The following AMOTL1 variants were observed in gnomAD, a reference collection of about 807,000 sequenced individuals.
The protein encoded by AMOTL1 is angiomotin-like protein 1.
AMOTL1 carries 45 observed loss-of-function variants against 102.9 expected under a neutral mutation model. The ratio of observed to expected loss-of-function variants is 0.44; its 90% CI spans 0.34 to 0.56. AMOTL1 has a LOEUF of 0.56. AMOTL1 is among the 20% of genes least tolerant of loss of function. The pLI, the probability that AMOTL1 is intolerant of heterozygous loss-of-function variation, is 0.01. For missense variants in AMOTL1, 1,114 were observed against 1,225.6 expected, an observed-to-expected ratio of 0.91 and a Z score of 1.36; for synonymous variants, 481 against 484.7, an observed-to-expected ratio of 0.99 and a Z score of 0.10.
Position 94,789,379 on chromosome 11 carries a change from G to A in AMOTL1, c.50-5632G>A, listed in dbSNP as rs1216210984. 2.0e-5 allele frequency among the ~76,000 whole-genome samples: 3 copies of A among 152,262 alleles called. No individual in the cohort carries two copies. In the East Asian group the frequency reaches 5.8e-4, roughly 29 times the overall value. On this transcript the variant is annotated intron_variant, in intron 1 of 12. Transcript: ENST00000433060. The stretch of plus-strand genomic sequence containing the variant: ...TCACCATGTTGGCCAGGCTGGTCTC[G>A]AACTCCTGACCTCAAGTAATCCACC...
At chr11:94,818,291 TGCAGTAA>T (rs1167543576) in intron 3 of AMOTL1, among the ~76,000 whole-genome samples, 1 of 152,210 alleles carries the variant, frequency 6.6e-6, no homozygotes, top group Non-Finnish European at 1.5e-5. Context: ...GTTCCTGACC[TGCAGTAA>T]GTAAAGAATG....
At chr11:94,769,599 T>G (rs1950915496) in intron 1 of AMOTL1, among the ~76,000 whole-genome samples, 1 of 152,212 alleles carries the variant, frequency 6.6e-6, no homozygotes, top group South Asian at 2.1e-4. Context: ...GTTCGAAGAT[T>G]TTTGCCTTTT....
chr11:94,814,531 A>G (rs564514255), intron 3 of AMOTL1, among the ~76,000 whole-genome samples: 34 of 152,356 alleles, frequency 2.2e-4, no homozygotes, highest in African/African-American at 7.7e-4. Context: ...AAGGAGTGTC[A>G]GAAGGGAACA....
In AMOTL1 at chr11:94,783,263, TTGAG is replaced by T. The variant is rs572937061; in HGVS notation, c.50-11742_50-11739del. ...AATCATCATATAGTTCTCATGGGGA[TTGAG>T]TGAGTTAATACAAATTGTTCAGAAC... On this transcript the variant is annotated intron_variant, in intron 1 of 12. Coordinates refer to ENST00000433060, the MANE Select transcript of AMOTL1 (RefSeq NM_130847.3). 2.4e-3 allele frequency among the ~76,000 whole-genome samples: 362 copies of T among 152,340 alleles called. 3 individuals carry two copies. The highest frequency in any genetic ancestry group is 8.4e-3 in the African/African-American group (350 of 41,576).
chr11:94,717,163 T>C (rs1393563215), intron 1 of AMOTL1, among the ~76,000 whole-genome samples: 1 of 151,834 alleles, frequency 6.6e-6, no homozygotes, highest in African/African-American at 2.4e-5. Flanking sequence ...TCAACTTTTC[T>C]TTTTTCCATA....
rs139205173 is a variant in AMOTL1 at position 94,837,846 on chromosome 11, T to C, written c.1648+6305T>C. On this transcript the variant is annotated intron_variant, in intron 6 of 12. Transcript: ENST00000433060. ...TTGGCTTTCCTGTTATATATAAGGCTGAAAAATCAAGCATCTTAAACTTTT... is the reference window on the plus strand; with the variant it reads ...TTGGCTTTCCTGTTATATATAAGGCCGAAAAATCAAGCATCTTAAACTTTT... Among the ~76,000 whole-genome samples, 18 of 152,348 alleles carry C rather than the reference T, an allele frequency of 1.2e-4. No homozygotes were observed. The East Asian group carries it at 3.1e-3, about 26-fold the overall frequency.
intron 2 of AMOTL1, among the ~76,000 whole-genome samples, chr11:94,737,115 G>T (rs1950449286): frequency 6.6e-6 from 1 of 152,188 alleles, no homozygotes; most frequent in Non-Finnish European, 1.5e-5. Context: ...ATAGTTCCTA[G>T]TTTACAAGTC....
At position 94,876,246 on chromosome 11, in the gene AMOTL1, T is replaced by G. The variant is rs1275496029; in HGVS notation, c.*5451T>G. On this transcript the variant is annotated 3_prime_UTR_variant, in exon 13 of 13. Transcript: ENST00000433060. ...TTTTTTTGTTTTTTGTTTTTTTTCC[T>G]TTTGAGGAGGAACAGGGAGCCTCCT... The G allele has an allele frequency of 1.3e-5, 2 of 152,628 alleles. No individual in the cohort carries two copies. The highest frequency in any genetic ancestry group is 2.9e-5 in the Non-Finnish European group (2 of 68,036). 9.5% of individuals were successfully genotyped at this position (152,628 alleles called of 1,614,324 possible).
At chr11:94,821,466 G>A in intron 3 of AMOTL1, 64 bp from the exon 4 acceptor site, 1 of 1,518,144 alleles carries the variant, frequency 6.6e-7, no homozygotes, top group Non-Finnish European at 8.9e-7. Flanking sequence ...CAGTATTGTT[G>A]GGGCTTCCTT....
chr11:94,853,954 G>A lies in AMOTL1; in HGVS notation c.1816G>A (p.Val606Ile). 2 of 1,608,470 alleles carry A rather than the reference G, an allele frequency of 1.2e-6. No homozygotes were observed. The highest frequency in any genetic ancestry group is 2.2e-5 in the South Asian group (2 of 89,712). ...TCAGTTACGAGAGAAGCAAGCATATGTTGAGAAAGTTGAGAAGCTGCAGCA... is the reference window on the plus strand; with the variant it reads ...TCAGTTACGAGAGAAGCAAGCATATATTGAGAAAGTTGAGAAGCTGCAGCA... ...EEELREKQAYVEKVEKLQQAL... is the reference protein window; with the variant it reads ...EEELREKQAYIEKVEKLQQAL... Residue 606 changes from valine (V) to isoleucine (I), a missense_variant, in exon 8 of 13, where the codon GTT becomes ATT. Coordinates refer to ENST00000433060, the MANE Select transcript of AMOTL1 (RefSeq NM_130847.3).
At chr11:94,722,382 C>T (rs2135446036) in intron 1 of AMOTL1, among the ~76,000 whole-genome samples, 1 of 152,202 alleles carries the variant, frequency 6.6e-6, no homozygotes, top group East Asian at 1.9e-4. Context: ...ACTTCACATG[C>T]TAATAGTGAT....
chr11:94,792,180 T>G (rs1951295256), intron 1 of AMOTL1, among the ~76,000 whole-genome samples: 1 of 152,112 alleles, frequency 6.6e-6, no homozygotes. Flanking sequence ...GGGATATGGG[T>G]GAAGCTAGAA....
intron 6 of AMOTL1, 68 bp from the exon 7 acceptor site, chr11:94,850,046 G>T: frequency 6.8e-7 from 1 of 1,474,202 alleles, no homozygotes; most frequent in African/African-American, 1.4e-5. Flanking sequence ...GCCAGATGTC[G>T]ACTGGCCGTG....
chr11:94,866,643 G>A (rs767269344), intron 11 of AMOTL1: 26 of 175,708 alleles, frequency 1.5e-4, no homozygotes, highest in Non-Finnish European at 2.7e-4. Flanking sequence ...CCCATGGGGC[G>A]TGGGAGGGAA....
chr11:94,805,322 A>G (rs932094712), intron 3 of AMOTL1, among the ~76,000 whole-genome samples: 1 of 152,156 alleles, frequency 6.6e-6, no homozygotes, highest in Non-Finnish European at 1.5e-5. Flanking sequence ...TTCTTCAGAT[A>G]TCTGGGAAGA....
At chr11:94,798,683 C>T (rs1052995608) in intron 2 of AMOTL1, among the ~76,000 whole-genome samples, 2 of 151,888 alleles carry the variant, frequency 1.3e-5, no homozygotes, top group African/African-American at 2.4e-5. Context: ...GTAGGAAACA[C>T]CAGAATTTAA....
rs1227292966 is a variant in AMOTL1, at chr11:94,821,609, C to T, written c.1201C>T (p.Pro401Ser). The T allele has an allele frequency of 1.2e-6, 2 of 1,613,880 alleles. No homozygotes were observed. Among genetic ancestry groups the T allele is most frequent in the Non-Finnish European group, 1.7e-6 (2 of 1,179,868 alleles). ...CTCCCAGACCTCTTCCGCCAGCGGG[C>T]CACTGCACTCTGTCTCCCTGCCGCT... ...MSSQTSSASG[P>S]LHSVSLPLPL... Residue 401 changes from proline (P) to serine (S), a missense_variant, in exon 4 of 13, where the codon CCA becomes TCA. Physicochemically the swap from Pro to Ser is moderately conservative, Grantham distance 74. Transcript: ENST00000433060.
intron 6 of AMOTL1, among the ~76,000 whole-genome samples, chr11:94,845,766 G>T (rs892581350): frequency 6.6e-6 from 1 of 152,230 alleles, no homozygotes; most frequent in South Asian, 2.1e-4. Flanking sequence ...CAGTGTATGA[G>T]CAGACATCCT....
At chr11:94,779,721 G>A (rs954282033) in intron 1 of AMOTL1, among the ~76,000 whole-genome samples, 3 of 152,082 alleles carry the variant, frequency 2.0e-5, no homozygotes, top group African/African-American at 4.8e-5. Context: ...TGGTCACATT[G>A]ATTTAGACAT....
Sources: allele counts gnomAD v4.1 joint callset (sites outside exome capture counted in the v4.1 genomes callset), GRCh38; gene constraint gnomAD v4.1.1; transcripts MANE v1.5; gene names NCBI Gene and HGNC (gene_info 2026-07-23, HGNC 2026-07-21).